PIK3C2G: variants seen among roughly 807,000 people sequenced by gnomAD.
PIK3C2G encodes phosphatidylinositol 3-kinase C2 domain-containing subunit gamma.
A neutral mutation model predicts 181.1 loss-of-function variants in PIK3C2G; 168 were observed. The observed-to-expected ratio is 0.93, with a 90% CI of 0.82 to 1.05. The LOEUF is 1.05. Ranked by LOEUF, PIK3C2G falls within the 50% of genes least tolerant of loss-of-function variation. The pLI is 0.00. For missense variants in PIK3C2G, 1,869 were observed against 1,732.8 expected (o/e 1.08, Z -1.40); for synonymous variants, 573 against 592.2 (o/e 0.97, Z 0.47).
chr12:18,499,774 C>T (rs1166670780), intron 22 of PIK3C2G, among the ~76,000 whole-genome samples: 2 of 152,204 alleles, frequency 1.3e-5, no homozygotes, highest in African/African-American at 4.8e-5. Flanking sequence ...TCATACAACA[C>T]CACCTTGGGT....
chr12:18,588,024 G>A (rs984700390), intron 29 of PIK3C2G, among the ~76,000 whole-genome samples: 2 of 152,108 alleles, frequency 1.3e-5, no homozygotes, highest in Middle Eastern at 6.8e-3. Flanking sequence ...TTCAATACAT[G>A]CTGCTGAGAT....
At chr12:18,315,284 C>T (rs1950811800) in intron 6 of PIK3C2G, among the ~76,000 whole-genome samples, 1 of 152,038 alleles carries the variant, frequency 6.6e-6, no homozygotes, top group African/African-American at 2.4e-5. Context: ...AACTTAGCTG[C>T]TGTTGACAGC....
chr12:18,418,235 T>A (rs75557375), intron 16 of PIK3C2G, among the ~76,000 whole-genome samples: 3,867 of 152,248 alleles, frequency 0.025, 143 homozygotes, highest in African/African-American at 0.083. Context: ...TATCCTTGGC[T>A]TTCAGAGAAG....
chr12:18,608,385 T>C (rs1013293753), intron 30 of PIK3C2G, among the ~76,000 whole-genome samples: 4 of 151,952 alleles, frequency 2.6e-5, no homozygotes, highest in African/African-American at 9.7e-5. Flanking sequence ...CCATAAAAAA[T>C]GATGAGTTCA....
chr12:18,692,733 AT>A, the PIK3C2G span: 2 of 914,284 alleles, frequency 2.2e-6, no homozygotes, highest in Non-Finnish European at 3.5e-6. Context: ...TAAAGAAAAA[AT>A]GTTAAAAGCT....
downstream of PIK3C2G, among the ~76,000 whole-genome samples, chr12:18,651,407 T>C (rs1438817643): frequency 6.6e-6 from 1 of 152,172 alleles, no homozygotes; most frequent in African/African-American, 2.4e-5. Context: ...TATGCACTTA[T>C]CATCTTTGAA....
At chr12:18,360,288 CCA>C (rs1941120602) in intron 11 of PIK3C2G, among the ~76,000 whole-genome samples, 1 of 152,106 alleles carries the variant, frequency 6.6e-6, no homozygotes, top group Non-Finnish European at 1.5e-5. Flanking sequence ...TCTCCTCCCA[CCA>C]CACTTTATGT....
At chr12:18,646,426 A>T (rs1950133925) in intron 32 of PIK3C2G, among the ~76,000 whole-genome samples, 1 of 152,162 alleles carries the variant, frequency 6.6e-6, no homozygotes, top group Non-Finnish European at 1.5e-5. Context: ...ATCATATTGT[A>T]TCTCATGCCC....
chr12:18,527,756 A>C (rs1943321094), intron 24 of PIK3C2G, among the ~76,000 whole-genome samples: 1 of 152,130 alleles, frequency 6.6e-6, no homozygotes, highest in Admixed American at 6.6e-5. Context: ...CTATGAATTC[A>C]GACACAATAT....
At chr12:18,652,850 A>G (rs1309506895), downstream of PIK3C2G, among the ~76,000 whole-genome samples, 2 of 152,170 alleles carry the variant, frequency 1.3e-5, no homozygotes, top group African/African-American at 2.4e-5. Context: ...TCATAGCAAC[A>G]TATCTTTCTA....
chr12:18,702,826 T>TTTTG, the PIK3C2G span, among the ~76,000 whole-genome samples: 5 of 147,566 alleles, frequency 3.4e-5, no homozygotes, highest in African/African-American at 1.3e-4. Flanking sequence ...AACTTTTTTT[T>TTTTG]TTTTTTTTTT....
intron 29 of PIK3C2G, among the ~76,000 whole-genome samples, chr12:18,587,758 A>G (rs145738190): frequency 6.8e-6 from 1 of 147,160 alleles, no homozygotes; most frequent in East Asian, 2.0e-4. Flanking sequence ...CAAACAAAAC[A>G]AAACAAAACA....
chr12:18,725,802 C>A, the PIK3C2G span, among the ~76,000 whole-genome samples: 1 of 151,878 alleles, frequency 6.6e-6, no homozygotes, highest in African/African-American at 2.4e-5. Context: ...TTTTTCTTTC[C>A]GGAATATCCT....
chr12:18,434,140 T>C (rs772118465), intron 18 of PIK3C2G, among the ~76,000 whole-genome samples: 38 of 152,338 alleles, frequency 2.5e-4, no homozygotes, highest in Non-Finnish European at 4.6e-4. Flanking sequence ...GATTGCACCT[T>C]GAACACTGCA....
At chr12:18,662,617 T>C in the PIK3C2G span, among the ~76,000 whole-genome samples, 1 of 152,158 alleles carries the variant, frequency 6.6e-6, no homozygotes, top group Non-Finnish European at 1.5e-5. Flanking sequence ...GTTTTCTACA[T>C]TATTTAAGAT....
intron 8 of PIK3C2G, among the ~76,000 whole-genome samples, chr12:18,334,044 A>G (rs1323281870): frequency 6.6e-6 from 1 of 152,166 alleles, no homozygotes; most frequent in African/African-American, 2.4e-5. Flanking sequence ...TGGCTCCTTC[A>G]AAGTCCGGGA....
chr12:18,398,170 T>C (rs1944006301), intron 15 of PIK3C2G, among the ~76,000 whole-genome samples: 1 of 152,172 alleles, frequency 6.6e-6, no homozygotes. Flanking sequence ...TGTTATCTGG[T>C]ACATGCATTT....
intron 13 of PIK3C2G, among the ~76,000 whole-genome samples, chr12:18,380,968 C>G (rs1465844606): frequency 6.6e-6 from 1 of 152,162 alleles, no homozygotes; most frequent in Admixed American, 6.5e-5. Flanking sequence ...TTTGCACTTT[C>G]AAGTTGGCAT....
the PIK3C2G span, among the ~76,000 whole-genome samples, chr12:18,670,085 A>C: frequency 5.5e-4 from 83 of 152,272 alleles, no homozygotes; most frequent in Middle Eastern, 3.4e-3. Flanking sequence ...ATTGGGAGTT[A>C]GGGCTTCAAA....
Sources: gnomAD v4.1 joint callset for allele counts (sites outside exome capture counted in the v4.1 genomes callset) on GRCh38, gnomAD v4.1.1 for gene constraint, MANE v1.5 for transcripts, NCBI Gene and HGNC (gene_info 2026-07-23, HGNC 2026-07-21) for gene names.